Variants in DCLK1 observed in about 807,000 individuals in gnomAD.
DCLK1 encodes doublecortin like kinase 1.
Under a neutral mutation model 86.2 loss-of-function variants are expected in DCLK1, and 16 were observed. The observed-to-expected ratio is 0.19, with a 90% CI of 0.13 to 0.28. DCLK1 has a LOEUF of 0.28. Ranked by LOEUF, DCLK1 falls within the 10% of genes least tolerant of loss-of-function variation. DCLK1 has a pLI of 1.00. For synonymous variants in DCLK1, 369 were observed against 370.5 expected (o/e 1.00, Z 0.05); for missense variants, 590 against 940.2 (o/e 0.63, Z 4.87).
chr13:35,827,362 A>G (rs1031574444), intron 10 of DCLK1, among the ~76,000 whole-genome samples: 1 of 152,180 alleles, frequency 6.6e-6, no homozygotes. Context: ...CATCCCCACA[A>G]TAACACCATT....
At chr13:36,057,791 C>T (rs117270208) in intron 3 of DCLK1, among the ~76,000 whole-genome samples, 2,447 of 152,004 alleles carry the variant, frequency 0.016, 38 homozygotes, top group Middle Eastern at 0.048. Context: ...GCTCTGTATT[C>T]AGGCTGAGCT....
chr13:36,130,539 A>G (rs1886326716), intron 1 of DCLK1, among the ~76,000 whole-genome samples: 1 of 152,132 alleles, frequency 6.6e-6, no homozygotes, highest in African/African-American at 2.4e-5. Flanking sequence ...AGCTTTTAGC[A>G]CTGCAGGTAC....
At chr13:35,863,411 C>G (rs927522582) in intron 5 of DCLK1, among the ~76,000 whole-genome samples, 12 of 152,240 alleles carry the variant, frequency 7.9e-5, no homozygotes, top group Admixed American at 7.8e-4. Flanking sequence ...TTTATACAAG[C>G]AGTTGATGTA....
At chr13:36,050,355 A>T (rs1384415070) in intron 3 of DCLK1, among the ~76,000 whole-genome samples, 1 of 152,142 alleles carries the variant, frequency 6.6e-6, no homozygotes, top group Non-Finnish European at 1.5e-5. Context: ...CATTGAACAG[A>T]ATTTTTAACA....
intron 2 of DCLK1, among the ~76,000 whole-genome samples, chr13:36,115,328 T>TAAAAAAACAAAC (rs10627322): frequency 0.011 from 1,636 of 151,744 alleles, 28 homozygotes; most frequent in African/African-American, 0.037. Flanking sequence ...GAATTTATCT[T>TAAAAAAACAAAC]AAACAAACAA....
At chr13:36,026,824 A>G (rs1022170988) in intron 3 of DCLK1, among the ~76,000 whole-genome samples, 3 of 152,188 alleles carry the variant, frequency 2.0e-5, no homozygotes, top group Non-Finnish European at 2.9e-5. Context: ...CATTCTTATA[A>G]TGAACCAGTA....
At chr13:35,956,325 T>A (rs2153135518) in intron 3 of DCLK1, among the ~76,000 whole-genome samples, 1 of 152,180 alleles carries the variant, frequency 6.6e-6, no homozygotes, top group East Asian at 1.9e-4. Context: ...CAAACTTATA[T>A]TCTATTGCTG....
intron 16 of DCLK1, among the ~76,000 whole-genome samples, chr13:35,789,621 G>A (rs143264586): frequency 2.5e-3 from 378 of 152,244 alleles, no homozygotes; most frequent in Admixed American, 5.1e-3. Flanking sequence ...AGACTGAAAC[G>A]CTCTATTTGC....
chr13:35,922,702 G>A (rs977800228), intron 4 of DCLK1, among the ~76,000 whole-genome samples: 11 of 152,192 alleles, frequency 7.2e-5, no homozygotes, highest in African/African-American at 2.4e-4. Context: ...GCATTGTTAT[G>A]TATTGGGCAT....
intron 3 of DCLK1, among the ~76,000 whole-genome samples, chr13:35,967,638 A>G (rs1878844654): frequency 6.6e-6 from 1 of 152,160 alleles, no homozygotes; most frequent in Non-Finnish European, 1.5e-5. Flanking sequence ...CATACTCGTT[A>G]AGAGTCATCA....
chr13:35,847,100 G>A, intron 6 of DCLK1: 1 of 978,392 alleles, frequency 1.0e-6, no homozygotes, highest in Non-Finnish European at 1.2e-6. Context: ...AAAAATCATA[G>A]TATTCGATCT....
At position 36,037,649 on chromosome 13, in the gene DCLK1, A is replaced by C. The variant is rs936447878; in HGVS notation, c.723+74220T>G. On this transcript the variant is annotated intron_variant, in intron 3 of 16. Transcript: ENST00000360631. The stretch of plus-strand genomic sequence containing the variant: ...CAGGTGTGCATCACCACACCCAGTT[A>C]ATTTTTGTATTTTTAGTAGAGACGG... 2.0e-5 allele frequency among the ~76,000 whole-genome samples: 3 copies of C among 151,918 alleles called. No homozygotes were observed. The East Asian group carries it at 5.8e-4, about 30-fold the overall frequency.
chr13:35,772,117 T>C lies in DCLK1; in HGVS notation c.*2418A>G, dbSNP rs2086343252. On this transcript the variant is annotated 3_prime_UTR_variant, in exon 17 of 17. Transcript: ENST00000360631. ...CTACTTGACTGGTCACATTCCACTGTTTATTCAGCATAGATCACTCAAATT... is the reference window on the plus strand; with the variant it reads ...CTACTTGACTGGTCACATTCCACTGCTTATTCAGCATAGATCACTCAAATT... 6.6e-6 allele frequency: 1 copy of C among 152,204 alleles called. No individual in the cohort carries two copies. The highest frequency in any genetic ancestry group is 2.4e-5 in the African/African-American group (1 of 41,456). The allele number at this position is 152,204 out of a possible 1,614,324, so 9.4% of individuals were successfully genotyped here.
chr13:35,890,008 G>C (rs1359685114), intron 4 of DCLK1, among the ~76,000 whole-genome samples: 1 of 152,108 alleles, frequency 6.6e-6, no homozygotes, highest in African/African-American at 2.4e-5. Context: ...GATTTTAACA[G>C]TGTTTGTTTC....
At chr13:36,074,029 T>C (rs1413221613) in intron 3 of DCLK1, among the ~76,000 whole-genome samples, 1 of 152,232 alleles carries the variant, frequency 6.6e-6, no homozygotes, top group Non-Finnish European at 1.5e-5. Flanking sequence ...CATTTAGTTA[T>C]GGTACATTTA....
chr13:35,910,385 G>A (rs184238698), intron 4 of DCLK1, among the ~76,000 whole-genome samples: 27 of 152,296 alleles, frequency 1.8e-4, no homozygotes, highest in Admixed American at 1.4e-3. Context: ...ATAATACTCA[G>A]CCCCAGTACA....
chr13:35,792,694 G>A (rs953938349), intron 16 of DCLK1, among the ~76,000 whole-genome samples: 3 of 152,018 alleles, frequency 2.0e-5, no homozygotes, highest in East Asian at 1.9e-4. Context: ...ATTATTCCTC[G>A]GCCCAATTTA....
At chr13:35,999,346 C>T (rs903950680) in intron 3 of DCLK1, among the ~76,000 whole-genome samples, 2 of 152,198 alleles carry the variant, frequency 1.3e-5, no homozygotes. Context: ...CTCAGCACAG[C>T]TGCCAGCCTG....
chr13:35,996,611 T>A (rs1880489512), intron 3 of DCLK1, among the ~76,000 whole-genome samples: 1 of 152,264 alleles, frequency 6.6e-6, no homozygotes, highest in East Asian at 1.9e-4. Context: ...CAACATCAGC[T>A]CTTCCTGAGT....
Sources: allele counts gnomAD v4.1 joint callset (sites outside exome capture counted in the v4.1 genomes callset), GRCh38; gene constraint gnomAD v4.1.1; transcripts MANE v1.5; gene names NCBI Gene and HGNC (gene_info 2026-07-23, HGNC 2026-07-21).